The following AGBL1 variants were observed in gnomAD, a reference collection of about 807,000 sequenced individuals.
AGBL1 encodes cytosolic carboxypeptidase 4.
AGBL1 carries 130 observed loss-of-function variants against 118.9 expected under a neutral mutation model. That is an observed-to-expected ratio of 1.09 (90% confidence interval 0.95 to 1.26). The LOEUF (loss-of-function observed/expected upper bound fraction) is 1.26. AGBL1 is among the 50% of genes most tolerant of loss of function. The pLI is 0.00. For missense variants in AGBL1, 1,584 were observed against 1,298.1 expected, an observed-to-expected ratio of 1.22 and a Z score of -3.38; for synonymous variants, 555 against 478.9, an observed-to-expected ratio of 1.16 and a Z score of -2.08.
intron 22 of AGBL1, among the ~76,000 whole-genome samples, chr15:86,833,892 C>T (rs866605525): frequency 2.0e-4 from 30 of 152,260 alleles, no homozygotes; most frequent in Middle Eastern, 6.8e-3. Flanking sequence ...TTTTGTTTTT[C>T]ACCCTTGAAA....
intron 18 of AGBL1, among the ~76,000 whole-genome samples, chr15:86,446,601 C>G (rs1353402336): frequency 6.6e-6 from 1 of 152,174 alleles, no homozygotes; most frequent in African/African-American, 2.4e-5. Flanking sequence ...TATCGAATCT[C>G]TCTTTGTGAT....
At chr15:86,446,894 G>A (rs1177577102) in intron 18 of AGBL1, among the ~76,000 whole-genome samples, 1 of 152,176 alleles carries the variant, frequency 6.6e-6, no homozygotes, top group Non-Finnish European at 1.5e-5. Context: ...TCCTTTAAAT[G>A]TATATCTGGA....
Position 86,636,970 on chromosome 15 carries a change from G to A in AGBL1, c.2995-37303G>A, listed in dbSNP as rs568446969. Among the ~76,000 whole-genome samples the A allele has an allele frequency of 2.0e-5, 3 of 151,566 alleles. No homozygotes were observed. The South Asian group carries it at 6.3e-4, about 32-fold the overall frequency. On this transcript the variant is annotated intron_variant, in intron 21 of 22. Transcript: ENST00000614907. ...ACAGATCTCATCTTCAAGGAGTTCA[G>A]ATTTCTTTTTAGGCACAACCAGGTA...
In AGBL1 at chr15:86,976,274, T is replaced by A. The variant is rs191808473; in HGVS notation, c.3222-11713T>A. Reference sequence around the variant, plus strand: ...ATATGTATATATATGTGAATATGTATCCATGTATAATTTTGGATGGTAGGG... The same window carrying A: ...ATATGTATATATATGTGAATATGTAACCATGTATAATTTTGGATGGTAGGG... On this transcript the variant is annotated intron_variant, in intron 23 of 24. Coordinates refer to the AGBL1 transcript ENST00000441037. 1.1e-3 allele frequency among the ~76,000 whole-genome samples: 165 copies of A among 151,160 alleles called. 1 individual carries two copies. Among genetic ancestry groups the A allele is most frequent in the Non-Finnish European group, 4.0e-4 (27 of 67,702 alleles).
intron 1 of AGBL1, among the ~76,000 whole-genome samples, chr15:86,098,534 T>A: frequency 6.6e-6 from 1 of 152,188 alleles, no homozygotes; most frequent in East Asian, 1.9e-4. Flanking sequence ...TACACATGAA[T>A]TTTCAGCTTT....
chr15:87,003,046 G>C (rs1021333182), intron 24 of AGBL1, among the ~76,000 whole-genome samples: 2 of 152,128 alleles, frequency 1.3e-5, no homozygotes, highest in South Asian at 2.1e-4. Context: ...GGGCATCCCT[G>C]TCTTGTGCCA....
intron 17 of AGBL1, among the ~76,000 whole-genome samples, chr15:86,374,426 A>T (rs1167372729): frequency 2.0e-5 from 3 of 152,192 alleles, no homozygotes; most frequent in African/African-American, 7.2e-5. Flanking sequence ...TATGAAGGAG[A>T]TGATGAGAAC....
At chr15:86,685,567 A>T (rs1216000237) in intron 22 of AGBL1, among the ~76,000 whole-genome samples, 1 of 152,156 alleles carries the variant, frequency 6.6e-6, no homozygotes, top group Non-Finnish European at 1.5e-5. Flanking sequence ...AGAGACGATA[A>T]TGATATAGAA....
intron 24 of AGBL1, among the ~76,000 whole-genome samples, chr15:87,027,004 G>A (rs1596756474): frequency 6.6e-6 from 1 of 151,968 alleles, no homozygotes; most frequent in Non-Finnish European, 1.5e-5. Flanking sequence ...GGAAGGGGAT[G>A]AGAGATAAAA....
intron 17 of AGBL1, among the ~76,000 whole-genome samples, chr15:86,379,393 C>CT (rs1416900668): frequency 6.6e-6 from 1 of 151,962 alleles, no homozygotes; most frequent in Non-Finnish European, 1.5e-5. Flanking sequence ...TTACAGAAAA[C>CT]TTTTTAAAGT....
chr15:86,708,539 C>T (rs2086495075), intron 22 of AGBL1, among the ~76,000 whole-genome samples: 1 of 152,122 alleles, frequency 6.6e-6, no homozygotes, highest in African/African-American at 2.4e-5. Flanking sequence ...GTTACCGCAG[C>T]CTGAGCAGTC....
intron 7 of AGBL1, among the ~76,000 whole-genome samples, chr15:86,253,976 G>A (rs1024210122): frequency 3.9e-5 from 6 of 152,206 alleles, no homozygotes; most frequent in African/African-American, 1.4e-4. Context: ...AGGAAGGAGA[G>A]TAAGGGGAGG....
Position 86,627,004 on chromosome 15 carries a change from A to ATTTTTT in AGBL1, c.2995-47260_2995-47255dup, listed in dbSNP as rs529625807. Among the ~76,000 whole-genome samples, 1,145 of 140,328 alleles carry ATTTTTT rather than the reference A, an allele frequency of 8.2e-3. 17 individuals are homozygous for ATTTTTT. Among genetic ancestry groups the ATTTTTT allele is most frequent in the African/African-American group, 0.023 (868 of 38,008 alleles). 92.1% of individuals were successfully genotyped at this position (140,328 alleles called of 152,430 possible). On this transcript the variant is annotated intron_variant, in intron 21 of 22. Coordinates refer to ENST00000614907, the MANE Select transcript of AGBL1 (RefSeq NM_001386094.1). ...AGGTGCCTGCCACAACGACCAGCTA[A>ATTTTTT]TTTTTTTTTTTTTTAGATGGAGTTT...
intron 18 of AGBL1, among the ~76,000 whole-genome samples, chr15:86,498,849 A>C (rs969935912): frequency 6.6e-6 from 1 of 151,920 alleles, no homozygotes; most frequent in Non-Finnish European, 1.5e-5. Context: ...AGTATGGATC[A>C]CTTGCCAATT....
intron 24 of AGBL1, among the ~76,000 whole-genome samples, chr15:87,006,797 T>C (rs2081509538): frequency 6.6e-6 from 1 of 152,156 alleles, no homozygotes; most frequent in South Asian, 2.1e-4. Context: ...ACTGGAGCTG[T>C]TGCTATTCAG....
intron 17 of AGBL1, among the ~76,000 whole-genome samples, chr15:86,299,494 C>T (rs776154333): frequency 3.9e-5 from 6 of 151,928 alleles, no homozygotes; most frequent in Non-Finnish European, 7.4e-5. Flanking sequence ...CACAGCAGAA[C>T]GGGAGTGAGG....
At chr15:86,635,334 C>A (rs930629990) in intron 21 of AGBL1, among the ~76,000 whole-genome samples, 9 of 96,006 alleles carry the variant, frequency 9.4e-5, no homozygotes, top group Non-Finnish European at 1.7e-4. Flanking sequence ...TCCTCCTCCT[C>A]CTCCTACTCC....
At chr15:86,466,885 C>T (rs939612741) in intron 18 of AGBL1, among the ~76,000 whole-genome samples, 1 of 152,182 alleles carries the variant, frequency 6.6e-6, no homozygotes, top group Admixed American at 6.5e-5. Context: ...CCCAGAGGGG[C>T]ACCCACCAGA....
At chr15:86,207,313 G>T (rs2078010826) in intron 5 of AGBL1, among the ~76,000 whole-genome samples, 1 of 152,164 alleles carries the variant, frequency 6.6e-6, no homozygotes, top group Non-Finnish European at 1.5e-5. Context: ...GGTTCCATAT[G>T]AACTTTAAAA....
Sources: gnomAD v4.1 joint callset for allele counts (sites outside exome capture counted in the v4.1 genomes callset) on GRCh38, gnomAD v4.1.1 for gene constraint, MANE v1.5 for transcripts, NCBI Gene and HGNC (gene_info 2026-07-23, HGNC 2026-07-21) for gene names.